SLC7A14: variants seen among roughly 807,000 people sequenced by gnomAD.
The protein encoded by SLC7A14 is gamma-aminobutyric acid transporter SLC7A14.
Under a neutral mutation model 60.2 loss-of-function variants are expected in SLC7A14, and 37 were observed. That is an observed-to-expected ratio of 0.61 (90% CI 0.47 to 0.81). The LOEUF is 0.81. Ranked by LOEUF, SLC7A14 falls within the 30% of genes least tolerant of loss-of-function variation. The probability of loss-of-function intolerance (pLI) is 0.00; values close to 1 mark genes in which losing one functional copy is unlikely to be tolerated. For synonymous variants in SLC7A14, 399 were observed against 395.8 expected, an observed-to-expected ratio of 1.01 and a Z score of -0.10; for missense variants, 886 against 982.7, an observed-to-expected ratio of 0.90 and a Z score of 1.32.
intron 2 of SLC7A14, among the ~76,000 whole-genome samples, chr3:170,521,152 C>T (rs1343788455): frequency 6.6e-6 from 1 of 152,186 alleles, no homozygotes; most frequent in Non-Finnish European, 1.5e-5. Context: ...AGTTTTCTTC[C>T]ACCTGTGACA....
intron 7 of SLC7A14, among the ~76,000 whole-genome samples, chr3:170,477,445 G>A (rs527876379): frequency 2.4e-4 from 37 of 152,310 alleles, no homozygotes; most frequent in African/African-American, 8.9e-4. Flanking sequence ...CTAGCTATGT[G>A]ACCTCAGGCA....
intron 1 of SLC7A14, among the ~76,000 whole-genome samples, chr3:170,569,570 G>A (rs371681943): frequency 3.3e-5 from 5 of 152,080 alleles, no homozygotes; most frequent in South Asian, 2.1e-4. Flanking sequence ...TGATTGGAAT[G>A]GTTTCAGAAG....
At chr3:170,496,663 A>G (rs915195321) in intron 4 of SLC7A14, 12 of 1,233,218 alleles carry the variant, frequency 9.7e-6, no homozygotes, top group African/African-American at 8.9e-5. Flanking sequence ...GAACACGAGT[A>G]TCCATAGGAA....
At chr3:170,565,596 G>A (rs955587454) in intron 1 of SLC7A14, among the ~76,000 whole-genome samples, 2 of 152,124 alleles carry the variant, frequency 1.3e-5, no homozygotes, top group African/African-American at 2.4e-5. Context: ...TACAACATCC[G>A]GAACCCTGCA....
intron 1 of SLC7A14, among the ~76,000 whole-genome samples, chr3:170,543,149 A>G (rs960132855): frequency 6.6e-6 from 1 of 152,146 alleles, no homozygotes; most frequent in African/African-American, 2.4e-5. Context: ...CCTGTCTGAG[A>G]CAGTCACTCT....
At chr3:170,471,040 A>C (rs1041159822) in intron 7 of SLC7A14, among the ~76,000 whole-genome samples, 1 of 151,588 alleles carries the variant, frequency 6.6e-6, no homozygotes, top group Non-Finnish European at 1.5e-5. Context: ...AAAATGTTAC[A>C]CAAACAGTAT....
intron 1 of SLC7A14, among the ~76,000 whole-genome samples, chr3:170,556,285 T>G (rs1202490549): frequency 1.3e-5 from 2 of 152,196 alleles, no homozygotes; most frequent in Admixed American, 1.3e-4. Context: ...TCATTTTCTG[T>G]GGGGCTTATA....
intron 1 of SLC7A14, among the ~76,000 whole-genome samples, chr3:170,569,012 T>C (rs1714870566): frequency 6.6e-6 from 1 of 152,220 alleles, no homozygotes; most frequent in South Asian, 2.1e-4. Flanking sequence ...TTCCTTCCCC[T>C]GCCTAATTGC....
intron 1 of SLC7A14, among the ~76,000 whole-genome samples, chr3:170,563,489 C>T (rs890147559): frequency 5.0e-4 from 74 of 147,834 alleles, no homozygotes; most frequent in African/African-American, 1.7e-3. Context: ...GCGATCTCGG[C>T]TCACTGCAAC....
In SLC7A14 at chr3:170,510,406, A is replaced by T. The variant is rs1375726494; in HGVS notation, c.305-9061T>A. Among the ~76,000 whole-genome samples the T allele has an allele frequency of 9.3e-4, 129 of 139,238 alleles. 3 individuals carry two copies. The highest frequency in any genetic ancestry group is 3.1e-3 in the African/African-American group (111 of 36,354). 91.3% of individuals were successfully genotyped at this position (139,238 alleles called of 152,430 possible). On this transcript the variant is annotated intron_variant, in intron 2 of 7. Transcript: ENST00000231706. ...CTCTGTCAAAAAAAAAAAAATAAAT[A>T]AATAAATAAATAAATAAAGAATGTA...
intron 1 of SLC7A14, among the ~76,000 whole-genome samples, chr3:170,571,525 A>T (rs1714955121): frequency 6.6e-6 from 1 of 152,162 alleles, no homozygotes. Context: ...CAAAACAATA[A>T]ATCTTGAACA....
At chr3:170,547,138 T>A (rs1376481449) in intron 1 of SLC7A14, among the ~76,000 whole-genome samples, 1 of 152,180 alleles carries the variant, frequency 6.6e-6, no homozygotes, top group African/African-American at 2.4e-5. Context: ...TTCCCTTCCT[T>A]CTTCTCCTTT....
chr3:170,486,475 T>C, intron 4 of SLC7A14, 107 bp from the exon 5 acceptor site: 1 of 1,405,872 alleles, frequency 7.1e-7, no homozygotes, highest in East Asian at 2.3e-5. Flanking sequence ...ACTGAGTGGC[T>C]GAGGGAGTAA....
intron 1 of SLC7A14, among the ~76,000 whole-genome samples, chr3:170,547,101 G>A (rs1714203320): frequency 6.6e-6 from 1 of 151,948 alleles, no homozygotes; most frequent in African/African-American, 2.4e-5. Flanking sequence ...ATGTAAGATT[G>A]TCAAGACACC....
At chr3:170,572,823 A>G (rs920266964) in intron 1 of SLC7A14, among the ~76,000 whole-genome samples, 16 of 152,336 alleles carry the variant, frequency 1.1e-4, no homozygotes, top group African/African-American at 3.8e-4. Flanking sequence ...AAAGTGTGTC[A>G]AAAGTCTTTG....
chr3:170,496,238 G>T, intron 4 of SLC7A14: 1 of 931,046 alleles, frequency 1.1e-6, no homozygotes, highest in Non-Finnish European at 1.8e-6. Context: ...AGTAGGAGGA[G>T]ATCGCCAACC....
At position 170,585,538 on chromosome 3, in the gene SLC7A14, G is replaced by T. The variant is rs1383119586; in HGVS notation, c.-153+373C>A. Among the ~76,000 whole-genome samples the T allele has an allele frequency of 6.6e-6, 1 of 152,132 alleles. No homozygotes were observed. Among genetic ancestry groups the T allele is most frequent in the Non-Finnish European group, 1.5e-5 (1 of 68,012 alleles). On this transcript the variant is annotated intron_variant, in intron 1 of 7. Coordinates refer to ENST00000231706, the MANE Select transcript of SLC7A14 (RefSeq NM_020949.3). This position sits in a 1 kb window ranked among gnomAD's most constrained non-coding sequence, Gnocchi z 5.1. ...ACAGGACGGGCCCGGCGTCTGCCGA[G>T]ACCTAGGCTGCCCGCATTCCGCTCG...
intron 1 of SLC7A14, among the ~76,000 whole-genome samples, chr3:170,580,629 A>G (rs1442303756): frequency 1.3e-5 from 2 of 152,202 alleles, no homozygotes; most frequent in Admixed American, 1.3e-4. Context: ...AGCATCTTAC[A>G]AGGTAGCATC....
At position 170,479,213 on chromosome 3, in the gene SLC7A14, G is replaced by A. The variant is rs371799603; in HGVS notation, c.1993+1076C>T. Among the ~76,000 whole-genome samples the A allele has an allele frequency of 1.8e-4, 28 of 152,248 alleles. No homozygotes were observed. In the East Asian group the frequency reaches 3.9e-3, roughly 21 times the overall value. On this transcript the variant is annotated intron_variant, in intron 7 of 7. Coordinates refer to ENST00000231706, the MANE Select transcript of SLC7A14 (RefSeq NM_020949.3). ...TGGCCTCTCTTGGGCTAAGTGACTC[G>A]TGTGTTTGTCTTGCCTCTCCTTTAG... is the stretch of plus-strand genomic sequence containing the variant.
Sources: allele counts gnomAD v4.1 joint callset (sites outside exome capture counted in the v4.1 genomes callset), GRCh38; gene constraint gnomAD v4.1.1; non-coding constraint Gnocchi (gnomAD v3.1); transcripts MANE v1.5; gene names NCBI Gene and HGNC (gene_info 2026-07-23, HGNC 2026-07-21).